Variants in ANK1 observed in about 807,000 individuals in gnomAD.
ANK1 encodes the protein ankyrin-1.
Under a neutral mutation model 210.4 loss-of-function variants are expected in ANK1, and 51 were observed. That is an observed-to-expected ratio of 0.24 (90% CI 0.19 to 0.31). The LOEUF (loss-of-function observed/expected upper bound fraction) is 0.31. ANK1 is among the 10% of genes least tolerant of loss of function. ANK1 has a pLI of 1.00. For synonymous variants in ANK1, 967 were observed against 1,025.9 expected, an observed-to-expected ratio of 0.94 and a Z score of 1.10; for missense variants, 2,051 against 2,504.4, an observed-to-expected ratio of 0.82 and a Z score of 3.86.
intron 1 of ANK1, among the ~76,000 whole-genome samples, chr8:41,810,968 G>A (rs1052086068): frequency 6.6e-6 from 1 of 152,230 alleles, no homozygotes; most frequent in Non-Finnish European, 1.5e-5. Context: ...ACCAGGTGGC[G>A]GTTCTTGGTC....
intron 26 of ANK1, among the ~76,000 whole-genome samples, chr8:41,696,041 T>C (rs1039050801): frequency 1.3e-5 from 2 of 152,116 alleles, no homozygotes; most frequent in Non-Finnish European, 2.9e-5. Flanking sequence ...TATTTAAGAG[T>C]TGTTTTTTTG....
At chr8:41,758,706 G>T (rs900645547) in intron 1 of ANK1, among the ~76,000 whole-genome samples, 3 of 151,954 alleles carry the variant, frequency 2.0e-5, no homozygotes, top group African/African-American at 7.3e-5. Flanking sequence ...GCCTTTGAGG[G>T]GGAGCCCATT....
At chr8:41,721,279 T>A (rs1829182462) in intron 9 of ANK1, among the ~76,000 whole-genome samples, 1 of 152,150 alleles carries the variant, frequency 6.6e-6, no homozygotes, top group Non-Finnish European at 1.5e-5. Context: ...TGATGCCCTA[T>A]AAGCCAAGGA....
intron 2 of ANK1, among the ~76,000 whole-genome samples, chr8:41,748,395 CAG>C (rs1836711542): frequency 6.6e-6 from 1 of 152,150 alleles, no homozygotes. Flanking sequence ...AAGACAATGA[CAG>C]AGAAAAGTGC....
chr8:41,804,871 G>A (rs1307836218), intron 1 of ANK1, among the ~76,000 whole-genome samples: 1 of 152,174 alleles, frequency 6.6e-6, no homozygotes, highest in African/African-American at 2.4e-5. Flanking sequence ...AGCATGAAGA[G>A]TGGGGAAACT....
intron 39 of ANK1, 41 bp from the exon 40 acceptor site, chr8:41,663,783 G>A: frequency 1.3e-6 from 2 of 1,489,792 alleles, no homozygotes; most frequent in Non-Finnish European, 1.9e-6. Context: ...ATTGGTGAGT[G>A]GGAGTCTGGG....
intron 1 of ANK1, among the ~76,000 whole-genome samples, chr8:41,782,520 C>T (rs1263481678): frequency 6.6e-6 from 1 of 152,158 alleles, no homozygotes; most frequent in African/African-American, 2.4e-5. Context: ...AGCGTACGGA[C>T]TGAGTGAGCC....
In ANK1 at chr8:41,656,964, C is replaced by T. The variant is rs550657386; in HGVS notation, c.*37-1211G>A. Among the ~76,000 whole-genome samples, 17 of 152,292 alleles carry T rather than the reference C, an allele frequency of 1.1e-4. No homozygotes were observed. In the South Asian group the frequency reaches 3.5e-3, roughly 32 times the overall value. On this transcript the variant is annotated intron_variant, in intron 42 of 42. Transcript: ENST00000289734. ...TGCTTTCATCACTGCTGGGCCATCA[C>T]ATCGGCCAAGTCTGACTGTCTCCTC...
intron 1 of ANK1, among the ~76,000 whole-genome samples, chr8:41,787,264 T>C (rs1470401904): frequency 6.6e-6 from 1 of 152,174 alleles, no homozygotes; most frequent in Non-Finnish European, 1.5e-5. Context: ...ATATAAAAAA[T>C]GTGGGAAAAG....
intron 1 of ANK1, among the ~76,000 whole-genome samples, chr8:41,758,554 C>CTGG (rs1839741412): frequency 1.3e-5 from 2 of 151,892 alleles, no homozygotes; most frequent in Admixed American, 1.3e-4. Flanking sequence ...GTTGCTCAGG[C>CTGG]TGGTCTCAAA....
chr8:41,727,892 A>T lies in ANK1; in HGVS notation c.327+16T>A. 1 of 1,613,754 alleles carries T rather than the reference A, an allele frequency of 6.2e-7. No homozygotes were observed. Among genetic ancestry groups the T allele is most frequent in the Non-Finnish European group, 8.5e-7 (1 of 1,179,626 alleles). On this transcript the variant is annotated intron_variant, in intron 4 of 42. Transcript: ENST00000289734. ...GGAAAGGCAACACCCTCTAGTCCAG[A>T]CCAGAGAGCCATTACCTGTGACTGG...
At chr8:41,667,381 A>G (rs10109812) in intron 39 of ANK1, among the ~76,000 whole-genome samples, 34,463 of 152,176 alleles carry the variant, frequency 0.23, 4,031 homozygotes, top group Middle Eastern at 0.29. Flanking sequence ...AAACAGAGAC[A>G]GAACATGTCG....
intron 1 of ANK1, among the ~76,000 whole-genome samples, chr8:41,848,390 A>G (rs1810501575): frequency 1.3e-5 from 2 of 152,158 alleles, no homozygotes; most frequent in South Asian, 4.1e-4. Context: ...AAATGCGAAG[A>G]CCTCACAGGG....
chr8:41,742,010 G>T (rs1396200835), intron 2 of ANK1, among the ~76,000 whole-genome samples: 1 of 152,226 alleles, frequency 6.6e-6, no homozygotes, highest in Admixed American at 6.5e-5. Context: ...CAACTGACAG[G>T]ATTGTTCTGA....
chr8:41,719,694 C>T lies in ANK1; in HGVS notation c.1074G>A (p.Leu358=), dbSNP rs982054058. The change falls in exon 10 of 43, where the codon CTG becomes CTA. Residue 358 remains leucine (L), a synonymous_variant. Transcript: ENST00000289734. ...TGGAGTTGGGTTTGGCCCCTTTATC[C>T]AGAAGGACCTTAGCCACCCTGTGGT... ...CGHHRVAKVL[L]DKGAKPNSRA... 5 of 1,614,100 alleles carry T rather than the reference C, an allele frequency of 3.1e-6. No homozygotes were observed. Among genetic ancestry groups the T allele is most frequent in the Admixed American group, 1.7e-5 (1 of 60,010 alleles).
At chr8:41,839,454 C>T (rs967941169) in intron 1 of ANK1, among the ~76,000 whole-genome samples, 5 of 152,264 alleles carry the variant, frequency 3.3e-5, no homozygotes, top group Admixed American at 1.3e-4. Context: ...GAAGCAGACA[C>T]AGCAGACCCT....
chr8:41,703,434 A>AT (rs1823475377), intron 20 of ANK1, among the ~76,000 whole-genome samples: 1 of 67,456 alleles, frequency 1.5e-5, no homozygotes, highest in African/African-American at 5.7e-5. Context: ...ATATATATAT[A>AT]TATATATATA....
intron 42 of ANK1, among the ~76,000 whole-genome samples, chr8:41,658,428 G>A (rs1482886842): frequency 2.0e-5 from 3 of 152,160 alleles, no homozygotes; most frequent in Non-Finnish European, 2.9e-5. Context: ...TAGCACATTC[G>A]AAAGGGACAT....
At chr8:41,883,522 C>T (rs1392330156) in intron 1 of ANK1, among the ~76,000 whole-genome samples, 4 of 152,152 alleles carry the variant, frequency 2.6e-5, no homozygotes, top group Non-Finnish European at 5.9e-5. Flanking sequence ...GTTCATGGCA[C>T]AATCATAGTT....
Sources: gnomAD v4.1 joint callset for allele counts (sites outside exome capture counted in the v4.1 genomes callset) on GRCh38, gnomAD v4.1.1 for gene constraint, MANE v1.5 for transcripts, NCBI Gene and HGNC (gene_info 2026-07-23, HGNC 2026-07-21) for gene names.